Variants in DPYSL3 observed in about 807,000 individuals in gnomAD.
The protein encoded by DPYSL3 is dihydropyrimidinase like 3.
Under a neutral mutation model 66.1 loss-of-function variants are expected in DPYSL3, and 16 were observed. The ratio of observed to expected loss-of-function variants is 0.24; its 90% confidence interval spans 0.16 to 0.37. The LOEUF (loss-of-function observed/expected upper bound fraction) is 0.37, where lower values mean the gene tolerates loss of function less well. DPYSL3 is among the 10% of genes least tolerant of loss of function. The probability of loss-of-function intolerance (pLI) is 1.00; values close to 1 mark genes in which losing one functional copy is unlikely to be tolerated. For synonymous variants in DPYSL3, 338 were observed against 345.1 expected (o/e 0.98, Z 0.23); for missense variants, 738 against 916.2 (o/e 0.81, Z 2.51).
intron 1 of DPYSL3, among the ~76,000 whole-genome samples, chr5:147,432,947 G>T (rs1752341139): frequency 6.6e-6 from 1 of 152,144 alleles, no homozygotes. Flanking sequence ...TCTTGGATCT[G>T]TTATTTTGTT....
At chr5:147,444,925 T>G (rs948643395) in intron 1 of DPYSL3, among the ~76,000 whole-genome samples, 1 of 151,656 alleles carries the variant, frequency 6.6e-6, no homozygotes, top group Non-Finnish European at 1.5e-5. Flanking sequence ...AATACCAAGT[T>G]TGCTTTACAA....
intron 2 of DPYSL3, among the ~76,000 whole-genome samples, chr5:147,420,790 T>G (rs1196683539): frequency 6.6e-6 from 1 of 152,218 alleles, no homozygotes; most frequent in African/African-American, 2.4e-5. Flanking sequence ...ACAACATCCT[T>G]GGCAAGTGGC....
intron 3 of DPYSL3, among the ~76,000 whole-genome samples, chr5:147,416,729 G>A (rs1751978551): frequency 6.6e-6 from 1 of 152,076 alleles, no homozygotes; most frequent in Non-Finnish European, 1.5e-5. Context: ...ATTATTCCTA[G>A]GGAAATAAAT....
chr5:147,489,860 C>T (rs372782202), intron 1 of DPYSL3, among the ~76,000 whole-genome samples: 10 of 151,810 alleles, frequency 6.6e-5, no homozygotes, highest in African/African-American at 2.4e-4. Flanking sequence ...ATACAATTTT[C>T]ATTATTTGGG....
chr5:147,403,902 G>T (rs2152018314), intron 8 of DPYSL3, among the ~76,000 whole-genome samples: 1 of 152,212 alleles, frequency 6.6e-6, no homozygotes, highest in South Asian at 2.1e-4. Context: ...GTGCCAAAAG[G>T]CTCAGGGTTA....
At chr5:147,507,250 C>T (rs1753695174) in intron 1 of DPYSL3, among the ~76,000 whole-genome samples, 1 of 151,944 alleles carries the variant, frequency 6.6e-6, no homozygotes, top group Non-Finnish European at 1.5e-5. Context: ...ATTAAAATGT[C>T]TCATAATAAG....
At chr5:147,495,823 C>T (rs1753496190) in intron 1 of DPYSL3, among the ~76,000 whole-genome samples, 1 of 152,110 alleles carries the variant, frequency 6.6e-6, no homozygotes, top group South Asian at 2.1e-4. Context: ...GCCATACTGC[C>T]CAAGGTAATT....
At chr5:147,410,665 C>T (rs1698097260) in intron 6 of DPYSL3, among the ~76,000 whole-genome samples, 1 of 152,192 alleles carries the variant, frequency 6.6e-6, no homozygotes, top group Admixed American at 6.5e-5. Flanking sequence ...ATGCTGTCGT[C>T]TTAGACTGTT....
chr5:147,453,979 C>CT, intron 1 of DPYSL3: 1 of 221,422 alleles, frequency 4.5e-6, no homozygotes, highest in Non-Finnish European at 8.7e-6. Context: ...TTTTCTTTTT[C>CT]TTTCTTTTTT....
intron 4 of DPYSL3, 64 bp downstream of exon 4, chr5:147,415,645 T>C (rs1751948294): frequency 3.2e-6 from 5 of 1,557,592 alleles, no homozygotes; most frequent in Non-Finnish European, 4.4e-6. Context: ...AATGAGTGGA[T>C]GGTGTTGGAA....
chr5:147,434,993 T>C (rs989054609), intron 1 of DPYSL3, among the ~76,000 whole-genome samples: 1 of 152,118 alleles, frequency 6.6e-6, no homozygotes, highest in Non-Finnish European at 1.5e-5. Context: ...AGAGGAAACT[T>C]GGGGGTGAGG....
chr5:147,438,355 A>G (rs1752451775), intron 1 of DPYSL3, among the ~76,000 whole-genome samples: 1 of 152,212 alleles, frequency 6.6e-6, no homozygotes, highest in Admixed American at 6.5e-5. Flanking sequence ...TGAAACAAAC[A>G]CTTGAACTAA....
At chr5:147,436,611 G>GCA in intron 1 of DPYSL3, among the ~76,000 whole-genome samples, 1 of 152,158 alleles carries the variant, frequency 6.6e-6, no homozygotes, top group South Asian at 2.1e-4. Flanking sequence ...TTGCATATGC[G>GCA]TAATGTACTT....
At chr5:147,480,708 AT>A (rs1185216448) in intron 1 of DPYSL3, among the ~76,000 whole-genome samples, 119 of 104,408 alleles carry the variant, frequency 1.1e-3, no homozygotes, top group African/African-American at 4.3e-3. Flanking sequence ...TATATATATT[AT>A]TATTATTATT....
At position 147,465,060 on chromosome 5, in the gene DPYSL3, G is replaced by A. The variant is rs1752990552; in HGVS notation, c.382-40097C>T. Among the ~76,000 whole-genome samples the A allele has an allele frequency of 2.0e-5, 3 of 152,156 alleles. No homozygotes were observed. In the South Asian group the frequency reaches 6.2e-4, roughly 32 times the overall value. ...GTTTTAAAAATTAGCTGAACGTGGT[G>A]GCACATGCCTGTAATTCCAGCTACT... is the stretch of plus-strand genomic sequence containing the variant. On this transcript the variant is annotated intron_variant, in intron 1 of 13. Coordinates refer to ENST00000343218, the MANE Select transcript of DPYSL3 (RefSeq NM_001197294.2).
At chr5:147,487,455 T>C (rs1376245925) in intron 1 of DPYSL3, among the ~76,000 whole-genome samples, 1 of 152,224 alleles carries the variant, frequency 6.6e-6, no homozygotes, top group African/African-American at 2.4e-5. Flanking sequence ...TATCAAAAAG[T>C]TGCTATGACT....
chr5:147,496,333 G>A (rs548323932), intron 1 of DPYSL3, among the ~76,000 whole-genome samples: 4 of 152,136 alleles, frequency 2.6e-5, no homozygotes, highest in Non-Finnish European at 2.9e-5. Context: ...CAGGACATAC[G>A]CATGGGCAAG....
intron 1 of DPYSL3, among the ~76,000 whole-genome samples, chr5:147,454,751 T>C (rs1232121837): frequency 1.3e-5 from 2 of 152,152 alleles, no homozygotes; most frequent in African/African-American, 4.8e-5. Context: ...CGAAGGTTTA[T>C]ATGTTATTAC....
chr5:147,509,704 A>G lies in DPYSL3; in HGVS notation c.155T>C (p.Phe52Ser). ...EGAFESKTLD[F>S]DALSVGQRGA... ...CCGCTGCCCCACGCTGAGGGCATCG[A>G]AATCCAGCGTCTTGCTCTCGAAGGC... Residue 52 changes from phenylalanine (F) to serine (S), a missense_variant, in exon 1 of 14, where the codon TTC becomes TCC. By Grantham distance (155) the Phe-to-Ser change is radical. Coordinates refer to ENST00000343218, the MANE Select transcript of DPYSL3 (RefSeq NM_001197294.2). This position sits in a 1 kb window ranked among gnomAD's most constrained non-coding sequence, Gnocchi z 5.3. 2.0e-6 allele frequency: 3 copies of G among 1,535,906 alleles called. No homozygotes were observed. The highest frequency in any genetic ancestry group is 2.6e-6 in the Non-Finnish European group (3 of 1,146,784).
Sources: gnomAD v4.1 joint callset for allele counts (sites outside exome capture counted in the v4.1 genomes callset) on GRCh38, gnomAD v4.1.1 for gene constraint, Gnocchi (gnomAD v3.1) non-coding constraint, MANE v1.5 for transcripts, NCBI Gene and HGNC (gene_info 2026-07-23, HGNC 2026-07-21) for gene names.